The following CRYL1 variants were observed in gnomAD, a reference collection of about 807,000 sequenced individuals.
The protein encoded by CRYL1 is lambda-crystallin homolog.
A neutral mutation model predicts 36.6 loss-of-function variants in CRYL1; 29 were observed. The observed-to-expected ratio is 0.79, with a 90% CI of 0.59 to 1.08. The LOEUF (loss-of-function observed/expected upper bound fraction) is 1.08, where lower values mean the gene tolerates loss of function less well. Among genes scored for constraint, CRYL1 ranks in the 50% least tolerant of loss-of-function variants. The pLI is 0.00. For synonymous variants in CRYL1, 152 were observed against 151.5 expected, an observed-to-expected ratio of 1.00 and a Z score of -0.02; for missense variants, 411 against 407.9, an observed-to-expected ratio of 1.01 and a Z score of -0.06.
In CRYL1 at chr13:20,525,518, C is replaced by T. The variant is rs2034175048; in HGVS notation, c.41+236G>A. 1.3e-5 allele frequency among the ~76,000 whole-genome samples: 2 copies of T among 152,152 alleles called. No individual in the cohort carries two copies. The highest frequency in any genetic ancestry group is 1.3e-4 in the Admixed American group (2 of 15,274). Reference sequence around the variant, plus strand: ...ACCTCGGAACCTCCTGCAACGCTGGCTCCCGGGAAGCAGACCCAACTCCGC... The same window carrying T: ...ACCTCGGAACCTCCTGCAACGCTGGTTCCCGGGAAGCAGACCCAACTCCGC... On this transcript the variant is annotated intron_variant, in intron 1 of 7. Transcript: ENST00000298248. The surrounding 1 kb of genome is among the most constrained non-coding windows in gnomAD (Gnocchi z 4.3).
At chr13:20,524,617 T>C (rs940691050) in intron 1 of CRYL1, among the ~76,000 whole-genome samples, 3 of 152,226 alleles carry the variant, frequency 2.0e-5, no homozygotes, top group Admixed American at 2.0e-4. Flanking sequence ...CCTCAGATGA[T>C]CCGCCTGCCT....
chr13:20,431,454 G>A (rs1215023039), intron 5 of CRYL1: 6 of 985,266 alleles, frequency 6.1e-6, no homozygotes, highest in Non-Finnish European at 7.2e-6. Flanking sequence ...CCCAGATCCC[G>A]AGACTTCTCC....
intron 3 of CRYL1, among the ~76,000 whole-genome samples, chr13:20,444,495 G>A (rs1056234777): frequency 4.6e-5 from 7 of 152,202 alleles, no homozygotes; most frequent in African/African-American, 1.7e-4. Flanking sequence ...AGAACCCAGA[G>A]GGGGCCACCG....
intron 2 of CRYL1, among the ~76,000 whole-genome samples, chr13:20,499,188 A>T (rs7337227): frequency 0.87 from 132,461 of 151,934 alleles, 60,345 homozygotes; most frequent in East Asian, 1. Context: ...TACCCAAAAA[A>T]TACAAAAATT....
chr13:20,420,701 T>TTTTTTTTTTTTTTTTTTGTGTG, intron 5 of CRYL1, among the ~76,000 whole-genome samples: 2 of 21,838 alleles, frequency 9.2e-5, no homozygotes, highest in Admixed American at 3.5e-4. Flanking sequence ...AAAATAGAGG[T>TTTTTTTTTTTTTTTTTTGTGTG]TGTGTGTGTG....
chr13:20,518,434 T>A (rs1305745763), intron 1 of CRYL1, among the ~76,000 whole-genome samples: 2 of 151,700 alleles, frequency 1.3e-5, no homozygotes, highest in Non-Finnish European at 2.9e-5. Context: ...GCCCAGCTGG[T>A]CCAGATCAAC....
chr13:20,523,010 G>A (rs2034125069), intron 1 of CRYL1, among the ~76,000 whole-genome samples: 1 of 136,036 alleles, frequency 7.4e-6, no homozygotes, highest in Non-Finnish European at 1.5e-5. Context: ...TCCGCCTCCT[G>A]AGTTCAAGCG....
At position 20,481,644 on chromosome 13, in the gene CRYL1, C is replaced by G. The variant is rs2033278742; in HGVS notation, c.276+7726G>C. Among the ~76,000 whole-genome samples, 1 of 152,166 alleles carries G rather than the reference C, an allele frequency of 6.6e-6. No homozygotes were observed. Among genetic ancestry groups the G allele is most frequent in the Admixed American group, 6.5e-5 (1 of 15,278 alleles). ...AAACACGTATGGCCATGCGTGGTGG[C>G]TCACTCCTGTAATTCCAGCACTTTG... is the stretch of plus-strand genomic sequence containing the variant. On this transcript the variant is annotated intron_variant, in intron 3 of 7. Coordinates refer to ENST00000298248, the MANE Select transcript of CRYL1 (RefSeq NM_015974.3). The surrounding 1 kb of genome is among the most constrained non-coding windows in gnomAD (Gnocchi z 4.1).
chr13:20,432,418 GC>G lies in CRYL1; in HGVS notation c.439-123del, dbSNP rs928150564. The G allele has an allele frequency of 1.5e-5, 9 of 600,992 alleles. No individual in the cohort carries two copies. The Admixed American group carries it at 1.6e-4, about 11-fold the overall frequency. 37.2% of individuals were successfully genotyped at this position (600,992 alleles called of 1,614,324 possible). A position where few individuals can be genotyped will look rare whatever the true frequency, so the allele number is the denominator to read the frequency against. ...TGGAATGGTGCCTTTAGATTCAGTG[GC>G]CAACAACAAGATACTTGAGAAAGAA... is the stretch of plus-strand genomic sequence containing the variant. On this transcript the variant is annotated intron_variant, in intron 4 of 7. Coordinates refer to ENST00000298248, the MANE Select transcript of CRYL1 (RefSeq NM_015974.3).
chr13:20,520,834 G>A (rs924186211), intron 1 of CRYL1, among the ~76,000 whole-genome samples: 2 of 152,120 alleles, frequency 1.3e-5, no homozygotes, highest in African/African-American at 2.4e-5. Flanking sequence ...GGCCGGGCAC[G>A]GTGGCTCACG....
At chr13:20,508,848 C>CAAAAAAAAAA (rs1179533995) in intron 2 of CRYL1, among the ~76,000 whole-genome samples, 2 of 10,450 alleles carry the variant, frequency 1.9e-4, no homozygotes, top group African/African-American at 6.4e-4. Flanking sequence ...AGCGAGACTC[C>CAAAAAAAAAA]AAAAAAAAAA....
chr13:20,516,775 C>T (rs1023141385), intron 1 of CRYL1, among the ~76,000 whole-genome samples: 9 of 152,058 alleles, frequency 5.9e-5, no homozygotes, highest in Admixed American at 2.0e-4. Context: ...CCACCACGCC[C>T]GGCCAAAAGA....
At chr13:20,477,478 T>C (rs1300939148) in intron 3 of CRYL1, among the ~76,000 whole-genome samples, 1 of 150,856 alleles carries the variant, frequency 6.6e-6, no homozygotes, top group East Asian at 1.9e-4. Context: ...AGAGCGGGCA[T>C]GGCATGGAAT....
At chr13:20,426,205 C>T (rs1253662957) in intron 5 of CRYL1, among the ~76,000 whole-genome samples, 2 of 151,390 alleles carry the variant, frequency 1.3e-5, no homozygotes, top group Non-Finnish European at 2.9e-5. Context: ...TTCTCATCCT[C>T]TGTGCAGTTA....
intron 3 of CRYL1, among the ~76,000 whole-genome samples, chr13:20,462,541 G>A (rs2032852135): frequency 6.8e-6 from 1 of 148,148 alleles, no homozygotes; most frequent in Admixed American, 6.9e-5. Flanking sequence ...AGCAGCCTGC[G>A]TTTAAAATAA....
chr13:20,521,632 T>C (rs1427109973), intron 1 of CRYL1, among the ~76,000 whole-genome samples: 1 of 152,194 alleles, frequency 6.6e-6, no homozygotes, highest in Non-Finnish European at 1.5e-5. Flanking sequence ...TTAAAGCTTC[T>C]GAATTCATGA....
At chr13:20,507,678 G>T (rs939858830) in intron 2 of CRYL1, among the ~76,000 whole-genome samples, 1 of 152,296 alleles carries the variant, frequency 6.6e-6, no homozygotes, top group South Asian at 2.1e-4. Flanking sequence ...CAGCACTTTG[G>T]GAGGCCAAGG....
intron 3 of CRYL1, among the ~76,000 whole-genome samples, chr13:20,485,701 A>AGAAAAGAAAAGAAAAGAAAG: frequency 6.6e-6 from 1 of 151,770 alleles, no homozygotes; most frequent in Admixed American, 6.6e-5. Flanking sequence ...AGAAAAGAAA[A>AGAAAAGAAAAGAAAAGAAAG]GAAAAGAAAT....
intron 3 of CRYL1, among the ~76,000 whole-genome samples, chr13:20,459,446 A>G (rs1475930376): frequency 1.3e-5 from 2 of 152,202 alleles, no homozygotes; most frequent in African/African-American, 4.8e-5. Flanking sequence ...CATGGAACCA[A>G]CCTAGACGCC....
Sources: allele counts gnomAD v4.1 joint callset (sites outside exome capture counted in the v4.1 genomes callset), GRCh38; gene constraint gnomAD v4.1.1; non-coding constraint Gnocchi (gnomAD v3.1); transcripts MANE v1.5; gene names NCBI Gene and HGNC (gene_info 2026-07-23, HGNC 2026-07-21).